Variants in SLC25A51 observed in about 807,000 individuals in gnomAD.
SLC25A51 encodes the protein solute carrier family 25 member 51.
Under a neutral mutation model 19.1 loss-of-function variants are expected in SLC25A51, and 11 were observed. That is an observed-to-expected ratio of 0.58 (90% confidence interval 0.36 to 0.96). SLC25A51 has a LOEUF of 0.96. SLC25A51 is among the 40% of genes least tolerant of loss of function. The pLI, the probability that SLC25A51 is intolerant of heterozygous loss-of-function variation, is 0.01. For synonymous variants in SLC25A51, 105 were observed against 133.6 expected, an observed-to-expected ratio of 0.79 and a Z score of 1.47; for missense variants, 201 against 365.4, an observed-to-expected ratio of 0.55 and a Z score of 3.67.
chr9:37,886,283 C>T, downstream of SLC25A51: 1 of 1,613,770 alleles, frequency 6.2e-7, no homozygotes, highest in Non-Finnish European at 8.5e-7. Context: ...TGAGCTATAC[C>T]AGCGGGCCAA....
At chr9:37,901,252 C>A (rs570909676) in intron 1 of SLC25A51, among the ~76,000 whole-genome samples, 25 of 152,310 alleles carry the variant, frequency 1.6e-4, no homozygotes, top group African/African-American at 5.8e-4. Context: ...TCACCGCAAC[C>A]TCCACCTCCT....
In SLC25A51 at chr9:37,887,970, C is replaced by T; in HGVS notation, c.581G>A (p.Arg194Gln). 1.2e-6 allele frequency: 2 copies of T among 1,611,952 alleles called. No individual in the cohort carries two copies. The highest frequency in any genetic ancestry group is 1.7e-6 in the Non-Finnish European group (2 of 1,179,858). ...GLSNVLFFGL[R>Q]GPIKEHLPTA... is the part of the protein sequence containing the mutation. Reference sequence around the variant, plus strand: ...AGGCAGATGCTCCTTAATGGGACCTCGAAGGCCGAAAAACAAGACATTGCT... The same window carrying T: ...AGGCAGATGCTCCTTAATGGGACCTTGAAGGCCGAAAAACAAGACATTGCT... Residue 194 changes from arginine to glutamine, a missense_variant, in exon 3 of 3, where the codon CGA (arginine) becomes CAA (glutamine). Transcript: ENST00000242275.
At position 37,896,173 on chromosome 9, in the gene SLC25A51, A is replaced by G. The variant is rs563497234; in HGVS notation, c.-43+3656T>C. Among the ~76,000 whole-genome samples, 3 of 152,286 alleles carry G rather than the reference A, an allele frequency of 2.0e-5. No individual in the cohort carries two copies. The East Asian group carries it at 5.8e-4, about 29-fold the overall frequency. The stretch of plus-strand genomic sequence containing the variant: ...TCAGTTTAAGAAGTGAGGCAAAGAT[A>G]ACAGACTGCCAACATCACTGATGAC... On this transcript the variant is annotated intron_variant, in intron 2 of 2. Transcript: ENST00000242275.
At chr9:37,887,422 T>C (rs1831484914), downstream of SLC25A51, among the ~76,000 whole-genome samples, 1 of 152,082 alleles carries the variant, frequency 6.6e-6, no homozygotes, top group African/African-American at 2.4e-5. Flanking sequence ...AACCCCCTAT[T>C]TTGTGAGGAT....
Position 37,888,154 on chromosome 9 carries a change from C to A in SLC25A51, c.397G>T (p.Ala133Ser). The A allele has an allele frequency of 1.2e-6, 2 of 1,613,958 alleles. No individual in the cohort carries two copies. Among genetic ancestry groups the A allele is most frequent in the Non-Finnish European group, 1.7e-6 (2 of 1,179,872 alleles). ...ACTCTTTCCAGTGGAGTGAAAATTG[C>A]TTCTGTTGTCCCTGCAAGCACTGCC... ...VAAVLAGTTE[A>S]IFTPLERVQT... is the part of the protein sequence containing the mutation. Residue 133 changes from alanine (A) to serine (S), a missense_variant, in exon 3 of 3, where the codon GCA becomes TCA. Coordinates refer to ENST00000242275, the MANE Select transcript of SLC25A51 (RefSeq NM_033412.4).
At position 37,892,684 on chromosome 9, in the gene SLC25A51, C is replaced by T. The variant is rs1204622744; in HGVS notation, c.-42-4092G>A. Reference sequence around the variant, plus strand: ...AACCTCCTGGGGTCAAGCAATTCTCCCACCTCAGCCCTCTGAGTACCTGGG... The same window carrying T: ...AACCTCCTGGGGTCAAGCAATTCTCTCACCTCAGCCCTCTGAGTACCTGGG... On this transcript the variant is annotated intron_variant, in intron 2 of 2. Coordinates refer to ENST00000242275, the MANE Select transcript of SLC25A51 (RefSeq NM_033412.4). Among the ~76,000 whole-genome samples, 4 of 151,790 alleles carry T rather than the reference C, an allele frequency of 2.6e-5. No homozygotes were observed. In the South Asian group the frequency reaches 8.3e-4, roughly 32 times the overall value.
At chr9:37,896,130 T>A (rs1831709453) in intron 2 of SLC25A51, among the ~76,000 whole-genome samples, 2 of 152,140 alleles carry the variant, frequency 1.3e-5, no homozygotes, top group South Asian at 4.1e-4. Flanking sequence ...TCACGTATAC[T>A]GTAATATCTC....
chr9:37,899,223 G>A (rs1831789825), intron 2 of SLC25A51, among the ~76,000 whole-genome samples: 1 of 152,162 alleles, frequency 6.6e-6, no homozygotes, highest in Non-Finnish European at 1.5e-5. Context: ...TTCATTTGGT[G>A]TATTATGTTA....
intron 2 of SLC25A51, among the ~76,000 whole-genome samples, chr9:37,891,332 C>T (rs907408398): frequency 7.9e-5 from 12 of 152,204 alleles, no homozygotes; most frequent in Non-Finnish European, 1.3e-4. Flanking sequence ...CCCCTCTGCC[C>T]GGCCGCCACC....
intron 2 of SLC25A51, among the ~76,000 whole-genome samples, chr9:37,899,212 A>T (rs1831789533): frequency 6.6e-6 from 1 of 152,202 alleles, no homozygotes; most frequent in South Asian, 2.1e-4. Context: ...TTTCTGACTT[A>T]TTCATTTGGT....
downstream of SLC25A51, chr9:37,878,007 C>CAATA (rs372237055): frequency 0.015 from 2,225 of 151,752 alleles, 52 homozygotes; most frequent in African/African-American, 0.048. Flanking sequence ...GAATCTGTGT[C>CAATA]AATAAATAAA....
intron 1 of SLC25A51, among the ~76,000 whole-genome samples, chr9:37,903,106 G>A (rs1229689915): frequency 2.6e-5 from 4 of 152,180 alleles, no homozygotes; most frequent in Non-Finnish European, 5.9e-5. Context: ...GTTTTCCCCT[G>A]AGATGCGCTA....
At chr9:37,892,019 G>A (rs1831603101) in intron 2 of SLC25A51, among the ~76,000 whole-genome samples, 1 of 151,722 alleles carries the variant, frequency 6.6e-6, no homozygotes, top group Admixed American at 6.6e-5. Flanking sequence ...GTATCCACAG[G>A]ATGAGACATA....
chr9:37,887,456 G>A, downstream of SLC25A51: 4 of 603,966 alleles, frequency 6.6e-6, no homozygotes, highest in Non-Finnish European at 8.5e-6. Flanking sequence ...ATAGAGGCTT[G>A]AGACTTTCCT....
chr9:37,892,527 T>TTA (rs1831614615), intron 2 of SLC25A51, among the ~76,000 whole-genome samples: 2 of 152,122 alleles, frequency 1.3e-5, no homozygotes, highest in South Asian at 4.1e-4. Flanking sequence ...CAATACTACA[T>TTA]TATATATATA....
chr9:37,885,515 G>A (rs368751784), downstream of SLC25A51, among the ~76,000 whole-genome samples: 3 of 151,956 alleles, frequency 2.0e-5, no homozygotes, highest in Non-Finnish European at 4.4e-5. Context: ...TCAGCCTCCC[G>A]AGTAGCTAGG....
downstream of SLC25A51, among the ~76,000 whole-genome samples, chr9:37,885,388 A>AAAT (rs911647543): frequency 6.7e-6 from 1 of 149,552 alleles, no homozygotes; most frequent in Non-Finnish European, 1.5e-5. Context: ...TTCCTATTGG[A>AAAT]ACCTTTTATC....
chr9:37,898,658 C>T (rs547794274), intron 2 of SLC25A51, among the ~76,000 whole-genome samples: 1 of 152,202 alleles, frequency 6.6e-6, no homozygotes, highest in Middle Eastern at 3.4e-3. Flanking sequence ...GGCAAGGTTG[C>T]AGTGAGCCAA....
intron 2 of SLC25A51, among the ~76,000 whole-genome samples, chr9:37,892,024 G>A (rs955312589): frequency 3.9e-5 from 6 of 151,908 alleles, no homozygotes; most frequent in Non-Finnish European, 4.4e-5. Context: ...CACAGGATGA[G>A]ACATAAAGTT....
Sources: allele counts gnomAD v4.1 joint callset (sites outside exome capture counted in the v4.1 genomes callset), GRCh38; gene constraint gnomAD v4.1.1; transcripts MANE v1.5; gene names NCBI Gene and HGNC (gene_info 2026-07-23, HGNC 2026-07-21).